SENP8: variants seen among roughly 807,000 people sequenced by gnomAD.
The protein encoded by SENP8 is SUMO peptidase family member, NEDD8 specific, also known as sentrin-specific protease 8.
Under a neutral mutation model 14.4 loss-of-function variants are expected in SENP8, and 10 were observed. That is an observed-to-expected ratio of 0.69 (90% confidence interval 0.43 to 1.18). The LOEUF is 1.18. SENP8 is among the 50% of genes most tolerant of loss of function. The pLI, the probability that SENP8 is intolerant of heterozygous loss-of-function variation, is 0.00. For missense variants in SENP8, 202 were observed against 249.4 expected (o/e 0.81, Z 1.28); for synonymous variants, 94 against 95.5 (o/e 0.98, Z 0.09).
At chr15:72,124,056 T>C (rs1157044125) in intron 1 of SENP8, among the ~76,000 whole-genome samples, 3 of 152,216 alleles carry the variant, frequency 2.0e-5, no homozygotes, top group Admixed American at 6.5e-5. Flanking sequence ...AGCATCATCA[T>C]CACACCAAGT....
intron 1 of SENP8, among the ~76,000 whole-genome samples, chr15:72,119,932 T>TCG (rs907876105): frequency 6.6e-6 from 1 of 152,232 alleles, no homozygotes; most frequent in African/African-American, 2.4e-5. Flanking sequence ...GTTACTTGTC[T>TCG]CTTTGCTCTC....
upstream of SENP8, chr15:72,114,446 G>C (rs780373694): frequency 2.6e-5 from 4 of 152,254 alleles, no homozygotes; most frequent in Non-Finnish European, 4.4e-5. Flanking sequence ...ACAAGGCAGT[G>C]ACAGACTGGA....
chr15:72,137,954 A>G (rs530584860), intron 1 of SENP8, among the ~76,000 whole-genome samples: 2 of 152,152 alleles, frequency 1.3e-5, no homozygotes, highest in South Asian at 4.2e-4. Context: ...CCTGGGTGAC[A>G]GTGCGAGACT....
intron 1 of SENP8, among the ~76,000 whole-genome samples, chr15:72,128,010 T>C (rs1266229386): frequency 6.6e-6 from 1 of 152,076 alleles, no homozygotes; most frequent in Non-Finnish European, 1.5e-5. Context: ...GGAGGATCAC[T>C]TGAGCCCATC....
chr15:72,128,390 C>T (rs981965026), intron 1 of SENP8, among the ~76,000 whole-genome samples: 1 of 152,132 alleles, frequency 6.6e-6, no homozygotes, highest in Non-Finnish European at 1.5e-5. Flanking sequence ...AATCTGACTC[C>T]TAAGAATTTG....
chr15:72,127,482 T>C (rs1322915214), intron 1 of SENP8, among the ~76,000 whole-genome samples: 1 of 151,944 alleles, frequency 6.6e-6, no homozygotes, highest in African/African-American at 2.4e-5. Context: ...ATTTGAGGAG[T>C]AAAAAGAAAG....
chr15:72,137,000 C>T (rs2081333734), intron 1 of SENP8, among the ~76,000 whole-genome samples: 1 of 152,112 alleles, frequency 6.6e-6, no homozygotes, highest in Admixed American at 6.5e-5. Context: ...TCTTGCTTCT[C>T]CTCTAAATTA....
upstream of SENP8, among the ~76,000 whole-genome samples, chr15:72,116,125 G>GA (rs2080966173): frequency 6.6e-6 from 1 of 152,352 alleles, no homozygotes; most frequent in Admixed American, 6.5e-5. Flanking sequence ...GGATACACAT[G>GA]AAGCTGGAAA....
At chr15:72,126,550 A>C (rs914612018) in intron 1 of SENP8, among the ~76,000 whole-genome samples, 5 of 152,128 alleles carry the variant, frequency 3.3e-5, no homozygotes, top group African/African-American at 4.8e-5. Flanking sequence ...GCTTGAACCC[A>C]GGCAGCAGAG....
chr15:72,121,078 C>G (rs1036545821), intron 1 of SENP8, among the ~76,000 whole-genome samples: 1 of 152,156 alleles, frequency 6.6e-6, no homozygotes, highest in African/African-American at 2.4e-5. Context: ...TGTTCACTTC[C>G]CAACCTCTCT....
chr15:72,129,801 C>G (rs1455369283), intron 1 of SENP8, among the ~76,000 whole-genome samples: 1 of 150,962 alleles, frequency 6.6e-6, no homozygotes, highest in African/African-American at 2.4e-5. Context: ...GTGATTGCAC[C>G]ACTGCATTCC....
rs2081390859 is a variant in SENP8, at chr15:72,143,151, TTGTG to T, written c.*2890_*2893del. 1.3e-5 allele frequency: 2 copies of T among 152,156 alleles called. No individual in the cohort carries two copies. Among genetic ancestry groups the T allele is most frequent in the Admixed American group, 6.6e-5 (1 of 15,256 alleles). 9.4% of individuals were successfully genotyped at this position (152,156 alleles called of 1,614,324 possible). On this transcript the variant is annotated 3_prime_UTR_variant, in exon 2 of 2. Coordinates refer to ENST00000340912, the MANE Select transcript of SENP8 (RefSeq NM_145204.4). ...AGGCGGAGGTTGCAGTGAGCTGAGA[TTGTG>T]CCACTGCACTCCAGCCTAGGCAACA... is the stretch of plus-strand genomic sequence containing the variant.
rs1440580884 is a variant in SENP8 at position 72,139,634 on chromosome 15, T to C, written c.11T>C (p.Val4Ala). 4 of 1,613,640 alleles carry C rather than the reference T, an allele frequency of 2.5e-6. No homozygotes were observed. Among genetic ancestry groups the C allele is most frequent in the Non-Finnish European group, 3.4e-6 (4 of 1,179,722 alleles). Reference protein sequence around the residue: MDPVVLSYMDSLLR... With the variant: MDPAVLSYMDSLLR... ...CCTCGTCAGTACAAGATGGACCCCGTAGTCTTGAGTTACATGGACAGTCTA... is the reference window on the plus strand; with the variant it reads ...CCTCGTCAGTACAAGATGGACCCCGCAGTCTTGAGTTACATGGACAGTCTA... The change falls in exon 2 of 2, where the codon GTA (valine) becomes GCA (alanine). Residue 4 changes from valine to alanine, a missense_variant. Physicochemically the swap from Val to Ala is moderately conservative, Grantham distance 64. Transcript: ENST00000340912.
chr15:72,117,645 G>C (rs1372542912), upstream of SENP8: 1 of 395,482 alleles, frequency 2.5e-6, no homozygotes, highest in African/African-American at 2.1e-5. Flanking sequence ...GCCAGGACGG[G>C]CTGCAGGGCC....
Position 72,140,424 on chromosome 15 carries a change from G to A in SENP8, c.*162G>A, listed in dbSNP as rs974138539. 2.6e-5 allele frequency: 16 copies of A among 620,032 alleles called. No individual in the cohort carries two copies. The highest frequency in any genetic ancestry group is 2.0e-4 in the African/African-American group (11 of 53,984). The allele number at this position is 620,032 out of a possible 1,614,324, so 38.4% of individuals were successfully genotyped here. On this transcript the variant is annotated 3_prime_UTR_variant, in exon 2 of 2. Transcript: ENST00000340912. ...ATCCTCTGCATTATCCCCATGGAAC[G>A]TTTCACTTTAACCCTGACTGGGGAG... is the stretch of plus-strand genomic sequence containing the variant.
At chr15:72,117,601 C>G, upstream of SENP8, 1 of 390,574 alleles carries the variant, frequency 2.6e-6, no homozygotes. Flanking sequence ...GCGGGGCGGC[C>G]CGACCGGAGC....
intron 1 of SENP8, among the ~76,000 whole-genome samples, chr15:72,128,808 T>C (rs917455149): frequency 2.0e-5 from 3 of 152,240 alleles, no homozygotes; most frequent in African/African-American, 7.2e-5. Context: ...TGTAGTTTGG[T>C]ACAACTTAAA....
Position 72,140,825 on chromosome 15 carries a change from A to T in SENP8, c.*563A>T, listed in dbSNP as rs938065922. On this transcript the variant is annotated 3_prime_UTR_variant, in exon 2 of 2. Coordinates refer to ENST00000340912, the MANE Select transcript of SENP8 (RefSeq NM_145204.4). ...GACATCTCTTCCATTCACCATGCAC[A>T]GGCTTTTCCAGCTATCTATATAATG... 6.0e-6 allele frequency: 1 copy of T among 167,396 alleles called. No individual in the cohort carries two copies. The highest frequency in any genetic ancestry group is 1.5e-5 in the Non-Finnish European group (1 of 68,362). 10.4% of individuals were successfully genotyped at this position (167,396 alleles called of 1,614,324 possible). A position where few individuals can be genotyped will look rare whatever the true frequency, so the allele number is the denominator to read the frequency against.
chr15:72,140,351 G>T lies in SENP8; in HGVS notation c.*89G>T. 6.7e-6 allele frequency: 6 copies of T among 900,276 alleles called. No homozygotes were observed. In the South Asian group the frequency reaches 9.4e-5, roughly 14 times the overall value. 55.8% of individuals were successfully genotyped at this position (900,276 alleles called of 1,614,324 possible). On this transcript the variant is annotated 3_prime_UTR_variant, in exon 2 of 2. Coordinates refer to ENST00000340912, the MANE Select transcript of SENP8 (RefSeq NM_145204.4). ...GCTGCAATCTCAGTGCCTGAGGGAAGATGCCTAGTAGAGGAAAGCTTAATA... is the reference window on the plus strand; with the variant it reads ...GCTGCAATCTCAGTGCCTGAGGGAATATGCCTAGTAGAGGAAAGCTTAATA...
Sources: allele counts gnomAD v4.1 joint callset (sites outside exome capture counted in the v4.1 genomes callset), GRCh38; gene constraint gnomAD v4.1.1; transcripts MANE v1.5; gene names NCBI Gene and HGNC (gene_info 2026-07-23, HGNC 2026-07-21).